TNFSF4: variants seen among roughly 807,000 people sequenced by gnomAD.
The protein encoded by TNFSF4 is TNF superfamily member 4, also known as tumor necrosis factor ligand superfamily member 4.
In TNFSF4, 4 loss-of-function variants were observed where a neutral mutation model predicts 7.3. That is an observed-to-expected ratio of 0.55 (90% confidence interval 0.27 to 1.25). The LOEUF is 1.25. TNFSF4 is among the 50% of genes most tolerant of loss of function. The pLI, the probability that TNFSF4 is intolerant of heterozygous loss-of-function variation, is 0.12. For synonymous variants in TNFSF4, 76 were observed against 83.7 expected (o/e 0.91, Z 0.50); for missense variants, 181 against 208.8 (o/e 0.87, Z 0.82).
chr1:173,413,363 T>C, the TNFSF4 span, among the ~76,000 whole-genome samples: 2 of 152,178 alleles, frequency 1.3e-5, no homozygotes, highest in African/African-American at 2.4e-5. Flanking sequence ...GGGGAACTTG[T>C]TATTCTTTTT....
At chr1:173,228,540 A>G in the TNFSF4 span, among the ~76,000 whole-genome samples, 20 of 152,338 alleles carry the variant, frequency 1.3e-4, no homozygotes, top group Admixed American at 1.1e-3. Flanking sequence ...CTCCAAAGGA[A>G]CACAGCTCCT....
the TNFSF4 span, among the ~76,000 whole-genome samples, chr1:173,429,374 G>A: frequency 6.6e-6 from 1 of 152,142 alleles, no homozygotes; most frequent in African/African-American, 2.4e-5. Flanking sequence ...AAACAGAAAA[G>A]AAAAAGTAAC....
At chr1:173,224,359 G>T in the TNFSF4 span, among the ~76,000 whole-genome samples, 1 of 152,220 alleles carries the variant, frequency 6.6e-6, no homozygotes, top group Non-Finnish European at 1.5e-5. Context: ...GTATATTCAT[G>T]ATCTAATTTA....
chr1:173,437,266 C>G, the TNFSF4 span, among the ~76,000 whole-genome samples: 10 of 152,158 alleles, frequency 6.6e-5, no homozygotes, highest in African/African-American at 2.2e-4. Context: ...AACTGCTTTC[C>G]TGAGTACTGT....
the TNFSF4 span, among the ~76,000 whole-genome samples, chr1:173,299,536 T>C: frequency 6.6e-6 from 1 of 151,926 alleles, no homozygotes; most frequent in African/African-American, 2.4e-5. Context: ...ACAAATCCCC[T>C]TGAAATACTT....
chr1:173,338,303 C>G, the TNFSF4 span, among the ~76,000 whole-genome samples: 1 of 152,222 alleles, frequency 6.6e-6, no homozygotes, highest in African/African-American at 2.4e-5. Flanking sequence ...TACAATGCTT[C>G]TGCCAAAACT....
At chr1:173,375,815 T>C in the TNFSF4 span, among the ~76,000 whole-genome samples, 1 of 152,166 alleles carries the variant, frequency 6.6e-6, no homozygotes, top group Non-Finnish European at 1.5e-5. Flanking sequence ...TTCCACACTG[T>C]GGAAGCTTTG....
chr1:173,212,967 A>G, the TNFSF4 span, among the ~76,000 whole-genome samples: 579 of 152,266 alleles, frequency 3.8e-3, 3 homozygotes, highest in Non-Finnish European at 6.6e-3. Context: ...CCTATATTGT[A>G]CTCTCAGAGG....
upstream of TNFSF4, among the ~76,000 whole-genome samples, chr1:173,209,878 A>G (rs1276140785): frequency 3.3e-5 from 5 of 152,202 alleles, no homozygotes; most frequent in Non-Finnish European, 5.9e-5. Flanking sequence ...AAATAAAGCC[A>G]CAGGATGTAA....
At chr1:173,263,148 G>GA in the TNFSF4 span, among the ~76,000 whole-genome samples, 2 of 152,098 alleles carry the variant, frequency 1.3e-5, no homozygotes, top group Non-Finnish European at 2.9e-5. Flanking sequence ...ACAAACAAAT[G>GA]AAAAAACATT....
At chr1:173,362,903 G>T in the TNFSF4 span, 1 of 478,948 alleles carries the variant, frequency 2.1e-6, no homozygotes, top group Non-Finnish European at 4.2e-6. Context: ...CATCACCCAA[G>T]CATAATCTAT....
chr1:173,243,779 C>A, the TNFSF4 span, among the ~76,000 whole-genome samples: 1 of 152,168 alleles, frequency 6.6e-6, no homozygotes, highest in Non-Finnish European at 1.5e-5. Context: ...AAAACCTGCC[C>A]ATTCTTCTCA....
chr1:173,245,383 G>A, the TNFSF4 span, among the ~76,000 whole-genome samples: 543 of 151,978 alleles, frequency 3.6e-3, 8 homozygotes, highest in Non-Finnish European at 4.6e-3. Context: ...CCTTGCTTTC[G>A]TCCTCATTCA....
chr1:173,329,786 A>G, the TNFSF4 span, among the ~76,000 whole-genome samples: 1 of 152,108 alleles, frequency 6.6e-6, no homozygotes, highest in Non-Finnish European at 1.5e-5. Context: ...AAGAAGAAAT[A>G]TGGTTTTTTT....
At chr1:173,385,581 T>TA in the TNFSF4 span, among the ~76,000 whole-genome samples, 1 of 152,276 alleles carries the variant, frequency 6.6e-6, no homozygotes, top group Non-Finnish European at 1.5e-5. Context: ...GTTACGCCTG[T>TA]AATCCCAGCA....
rs1416312931 is a variant in TNFSF4, at chr1:173,186,418, T to C, written c.*98A>G. The C allele has an allele frequency of 6.0e-6, 6 of 1,000,242 alleles. No homozygotes were observed. Among genetic ancestry groups the C allele is most frequent in the Admixed American group, 5.1e-5 (2 of 39,150 alleles). The allele number at this position is 1,000,242 out of a possible 1,614,324, so 62.0% of individuals were successfully genotyped here. On this transcript the variant is annotated 3_prime_UTR_variant, in exon 3 of 3. Transcript: ENST00000281834. ...CTTGTCACATCCCACGTGGCTGAGC[T>C]GGGAGGCTCCTTCACTTGCAATGAA...
chr1:173,381,091 C>A, the TNFSF4 span, among the ~76,000 whole-genome samples: 60 of 152,264 alleles, frequency 3.9e-4, no homozygotes, highest in African/African-American at 1.4e-3. Flanking sequence ...CTACAGGAAC[C>A]GGAATAGCCA....
the TNFSF4 span, among the ~76,000 whole-genome samples, chr1:173,450,585 T>G: frequency 2.0e-5 from 3 of 151,836 alleles, no homozygotes; most frequent in African/African-American, 7.2e-5. Flanking sequence ...CATGATCAAG[T>G]GGGGCTTATC....
At chr1:173,229,915 C>G in the TNFSF4 span, among the ~76,000 whole-genome samples, 6 of 152,004 alleles carry the variant, frequency 3.9e-5, no homozygotes, top group Non-Finnish European at 5.9e-5. Flanking sequence ...CAATACAGGA[C>G]CACCCAGATT....
Sources: gnomAD v4.1 joint callset for allele counts (sites outside exome capture counted in the v4.1 genomes callset) on GRCh38, gnomAD v4.1.1 for gene constraint, MANE v1.5 for transcripts, NCBI Gene and HGNC (gene_info 2026-07-23, HGNC 2026-07-21) for gene names.